PAK3: variants seen among roughly 807,000 people sequenced by gnomAD.
PAK3 encodes the protein p21 (RAC1) activated kinase 3.
In PAK3, 4 loss-of-function variants were observed where a neutral mutation model predicts 41.0. The observed-to-expected ratio is 0.10, with a 90% CI of 0.05 to 0.22. The LOEUF is 0.22. Ranked by LOEUF, PAK3 falls within the 10% of genes least tolerant of loss-of-function variation. PAK3 has a pLI of 1.00. For synonymous variants in PAK3, 146 were observed against 139.6 expected (o/e 1.05, Z -0.32); for missense variants, 205 against 409.9 (o/e 0.50, Z 4.32).
At chrX:111,204,122 G>C (rs1569464753) in intron 16 of PAK3, among the ~76,000 whole-genome samples, 2 of 111,252 alleles carry the variant, frequency 1.8e-5, no homozygotes, top group Non-Finnish European at 3.8e-5. Context: ...CAGCTCTTAA[G>C]AATCATTGGT....
chrX:110,966,329 C>T (rs1485331927), intron 1 of PAK3, among the ~76,000 whole-genome samples: 1 of 110,854 alleles, frequency 9.0e-6, no homozygotes. Flanking sequence ...CACCAAACCA[C>T]CTCCTCTTAA....
chrX:110,968,422 C>T (rs2091127213), intron 1 of PAK3, among the ~76,000 whole-genome samples: 1 of 112,506 alleles, frequency 8.9e-6, no homozygotes, highest in African/African-American at 3.2e-5. Flanking sequence ...TCCAGAGTGG[C>T]TATACCATTT....
chrX:111,196,657 G>A lies in PAK3; in HGVS notation c.1407+17G>A, dbSNP rs765418457. The A allele has an allele frequency of 1.8e-6, 2 of 1,111,032 alleles. No individual in the cohort carries two copies. Among genetic ancestry groups the A allele is most frequent in the African/African-American group, 3.6e-5 (2 of 55,905 alleles). The allele number at this position is 1,111,032 out of a possible 1,213,427, so 91.6% of individuals were successfully genotyped here. ...CCACTCAGGGTAAGTCAGAAGAGAA[G>A]TCAGGTACTTTATTCCCAGGAAAGA... On this transcript the variant is annotated intron_variant, in intron 16 of 17. Coordinates refer to ENST00000372007, the MANE Select transcript of PAK3 (RefSeq NM_002578.5).
At chrX:111,044,634 T>A (rs1056359435) in intron 1 of PAK3, among the ~76,000 whole-genome samples, 2 of 111,847 alleles carry the variant, frequency 1.8e-5, no homozygotes, top group African/African-American at 6.5e-5. Context: ...CCATGAATGA[T>A]CAACGAGGTC....
chrX:111,173,921 C>T (rs1404209532), intron 11 of PAK3, among the ~76,000 whole-genome samples: 1 of 111,276 alleles, frequency 9.0e-6, no homozygotes, highest in Non-Finnish European at 1.9e-5. Context: ...TCTTAAGGGA[C>T]ATCCTTAAAT....
At chrX:111,005,578 A>G (rs1325557025) in intron 1 of PAK3, among the ~76,000 whole-genome samples, 2 of 111,755 alleles carry the variant, frequency 1.8e-5, no homozygotes, top group Non-Finnish European at 3.8e-5. Flanking sequence ...AGACAAGATA[A>G]TTTGAGAAGA....
intron 10 of PAK3, among the ~76,000 whole-genome samples, chrX:111,164,709 C>T (rs757669363): frequency 1.9e-4 from 21 of 111,710 alleles, no homozygotes; most frequent in African/African-American, 6.5e-4. Context: ...AATAAGTAAA[C>T]AAATACATCT....
chrX:110,951,368 C>T (rs1463112510), intron 1 of PAK3, among the ~76,000 whole-genome samples: 1 of 112,082 alleles, frequency 8.9e-6, no homozygotes, highest in Non-Finnish European at 1.9e-5. Flanking sequence ...CTTTATAAGC[C>T]AACAATGCCA....
intron 16 of PAK3, among the ~76,000 whole-genome samples, chrX:111,208,824 A>T (rs752277215): frequency 3.6e-5 from 4 of 111,748 alleles, no homozygotes; most frequent in African/African-American, 1.3e-4. Flanking sequence ...AGATGATTTA[A>T]AGTATAGGGG....
chrX:111,147,713 T>G (rs372818098), intron 6 of PAK3, 24 bp from the exon 7 acceptor site: 1 of 1,122,993 alleles, frequency 8.9e-7, no homozygotes, highest in African/African-American at 1.8e-5. Flanking sequence ...TGAGCTACCA[T>G]TCTTTCCCTT....
At chrX:111,004,239 G>A (rs2091890103) in intron 1 of PAK3, among the ~76,000 whole-genome samples, 1 of 111,869 alleles carries the variant, frequency 8.9e-6, no homozygotes, top group African/African-American at 3.3e-5. Context: ...TCTGAAGGCA[G>A]GGGATATGCG....
chrX:111,216,880 A>C (rs759915462), intron 17 of PAK3: 1 of 725,299 alleles, frequency 1.4e-6, no homozygotes, highest in African/African-American at 2.4e-5. Context: ...TGGATGTTGT[A>C]TGCAGGTGCT....
At chrX:111,048,601 T>C (rs1442963374) in intron 1 of PAK3, among the ~76,000 whole-genome samples, 4 of 111,779 alleles carry the variant, frequency 3.6e-5, no homozygotes, top group African/African-American at 6.5e-5. Context: ...TCCAAGACCA[T>C]AACCTAAGCC....
intron 1 of PAK3, among the ~76,000 whole-genome samples, chrX:110,963,292 C>T (rs946522231): frequency 8.9e-6 from 1 of 111,944 alleles, no homozygotes; most frequent in Non-Finnish European, 1.9e-5. Flanking sequence ...ACATCCTGTC[C>T]AGTCCTCATG....
chrX:111,081,107 A>G (rs2092830873), intron 1 of PAK3, among the ~76,000 whole-genome samples: 1 of 111,860 alleles, frequency 8.9e-6, no homozygotes, highest in Non-Finnish European at 1.9e-5. Context: ...TGTTGGTCAA[A>G]GGGTATAAAG....
At chrX:110,960,438 G>A (rs916531032) in intron 1 of PAK3, among the ~76,000 whole-genome samples, 1 of 112,029 alleles carries the variant, frequency 8.9e-6, no homozygotes, top group African/African-American at 3.2e-5. Flanking sequence ...ATATCTTGAG[G>A]GAGAGCATTA....
chrX:111,051,697 CTGTGTG>C (rs55981824), intron 1 of PAK3, among the ~76,000 whole-genome samples: 13 of 104,310 alleles, frequency 1.2e-4, no homozygotes, highest in South Asian at 4.6e-4. Context: ...GTGTGTGTGT[CTGTGTG>C]TGTGTGTGTG....
At chrX:111,046,551 G>A (rs750232498) in intron 1 of PAK3, among the ~76,000 whole-genome samples, 4 of 111,574 alleles carry the variant, frequency 3.6e-5, no homozygotes, top group Non-Finnish European at 7.5e-5. Flanking sequence ...ATATAGAATA[G>A]TAGTTAAGAA....
chrX:110,946,676 A>G (rs1415753022), intron 1 of PAK3, among the ~76,000 whole-genome samples: 2 of 112,628 alleles, frequency 1.8e-5, no homozygotes, highest in African/African-American at 3.2e-5. Flanking sequence ...TACCTGCATT[A>G]CATTTACTTT....
Sources: allele counts gnomAD v4.1 joint callset (sites outside exome capture counted in the v4.1 genomes callset), GRCh38; gene constraint gnomAD v4.1.1; transcripts MANE v1.5; gene names NCBI Gene and HGNC (gene_info 2026-07-23, HGNC 2026-07-21).